Variants in GREB1L observed in about 807,000 individuals in gnomAD.
The protein encoded by GREB1L is GREB1 like retinoic acid receptor coactivator.
A neutral mutation model predicts 200.8 loss-of-function variants in GREB1L; 17 were observed. The observed-to-expected ratio is 0.08, with a 90% CI of 0.06 to 0.13. The LOEUF is 0.13. GREB1L is among the 10% of genes least tolerant of loss of function. GREB1L has a pLI of 1.00. For synonymous variants in GREB1L, 789 were observed against 893.0 expected (o/e 0.88, Z 2.08); for missense variants, 1,657 against 2,367.7 (o/e 0.70, Z 6.23).
intron 1 of GREB1L, among the ~76,000 whole-genome samples, chr18:21,244,604 C>T (rs2037565559): frequency 6.6e-6 from 1 of 152,136 alleles, no homozygotes; most frequent in South Asian, 2.1e-4. Flanking sequence ...CTAAAGATAA[C>T]CATTGGACTG....
intron 3 of GREB1L, among the ~76,000 whole-genome samples, chr18:21,383,933 CT>C (rs1486483648): frequency 6.6e-6 from 1 of 152,058 alleles, no homozygotes; most frequent in African/African-American, 2.4e-5. Context: ...TCAGGCTGGT[CT>C]TGAACTCCTG....
At chr18:21,243,480 G>A (rs1213043348) in intron 1 of GREB1L, among the ~76,000 whole-genome samples, 1 of 152,208 alleles carries the variant, frequency 6.6e-6, no homozygotes, top group East Asian at 1.9e-4. Context: ...ACACCGTAAG[G>A]TGTTTTTTTC....
At chr18:21,370,599 C>A (rs1238846831) in intron 2 of GREB1L, among the ~76,000 whole-genome samples, 1 of 152,040 alleles carries the variant, frequency 6.6e-6, no homozygotes, top group Non-Finnish European at 1.5e-5. Context: ...CATAATCTAT[C>A]CTATAGAATT....
intron 1 of GREB1L, among the ~76,000 whole-genome samples, chr18:21,245,681 T>C (rs1350084827): frequency 2.6e-5 from 4 of 152,054 alleles, no homozygotes; most frequent in Admixed American, 2.6e-4. Context: ...GCATAAAAAA[T>C]GTAATGCCTA....
At chr18:21,428,679 T>G in intron 7 of GREB1L, among the ~76,000 whole-genome samples, 1 of 144,752 alleles carries the variant, frequency 6.9e-6, no homozygotes. Flanking sequence ...CGGCCCGGGC[T>G]GGAGTGCAAT....
At chr18:21,428,519 G>A (rs2032832774) in intron 7 of GREB1L, among the ~76,000 whole-genome samples, 1 of 150,582 alleles carries the variant, frequency 6.6e-6, no homozygotes. Flanking sequence ...ATGATCATGT[G>A]GTTTTTGTCC....
chr18:21,445,154 T>G (rs2034139768), intron 11 of GREB1L, among the ~76,000 whole-genome samples: 1 of 152,218 alleles, frequency 6.6e-6, no homozygotes. Flanking sequence ...ACTCTATCAC[T>G]TCAAGCCACT....
chr18:21,484,321 C>T (rs556073580), intron 17 of GREB1L, among the ~76,000 whole-genome samples: 47 of 151,130 alleles, frequency 3.1e-4, no homozygotes, highest in African/African-American at 1.1e-3. Context: ...TCTGTAGGCA[C>T]CCGCCACCAC....
At chr18:21,349,485 C>G (rs957318054) in intron 1 of GREB1L, among the ~76,000 whole-genome samples, 4 of 152,140 alleles carry the variant, frequency 2.6e-5, no homozygotes, top group Non-Finnish European at 5.9e-5. Context: ...CTACTTTGTC[C>G]TTTAAAGCAA....
chr18:21,260,802 TTG>T (rs982101244), intron 1 of GREB1L, among the ~76,000 whole-genome samples: 6 of 151,972 alleles, frequency 3.9e-5, no homozygotes, highest in African/African-American at 1.2e-4. Context: ...CCAGCTGCCA[TTG>T]TGTGTGTTTC....
At chr18:21,315,164 A>T (rs2038848491) in intron 1 of GREB1L, among the ~76,000 whole-genome samples, 1 of 152,132 alleles carries the variant, frequency 6.6e-6, no homozygotes. Context: ...GTTATGGCTC[A>T]CTTTAACGTC....
At chr18:21,334,355 C>T (rs546834726) in intron 1 of GREB1L, among the ~76,000 whole-genome samples, 1 of 152,130 alleles carries the variant, frequency 6.6e-6, no homozygotes, top group East Asian at 1.9e-4. Context: ...TTATCAGTTC[C>T]ATATCCAGTT....
intron 7 of GREB1L, among the ~76,000 whole-genome samples, chr18:21,420,304 G>A (rs552615959): frequency 4.0e-5 from 6 of 151,790 alleles, no homozygotes; most frequent in Middle Eastern, 6.8e-3. Flanking sequence ...CCTGGGAGGC[G>A]GAGGTTGCAA....
intron 19 of GREB1L, among the ~76,000 whole-genome samples, chr18:21,493,175 C>T (rs572739866): frequency 1.3e-5 from 2 of 152,190 alleles, no homozygotes. Flanking sequence ...TGCCTTCTAT[C>T]TCTACTTTTG....
chr18:21,279,584 C>T (rs1165561556), intron 1 of GREB1L, among the ~76,000 whole-genome samples: 1 of 152,104 alleles, frequency 6.6e-6, no homozygotes, highest in East Asian at 1.9e-4. Context: ...GTAAGAGTAC[C>T]AATTTCACTG....
intron 1 of GREB1L, among the ~76,000 whole-genome samples, chr18:21,310,128 T>C (rs1168226863): frequency 6.6e-6 from 1 of 152,216 alleles, no homozygotes; most frequent in African/African-American, 2.4e-5. Flanking sequence ...ACAGCTGCAC[T>C]CTAGCTAGAG....
intron 1 of GREB1L, among the ~76,000 whole-genome samples, chr18:21,320,841 A>G (rs2038940244): frequency 6.6e-6 from 1 of 152,186 alleles, no homozygotes; most frequent in African/African-American, 2.4e-5. Context: ...AACATTTTGA[A>G]ACACAGTAAA....
intron 7 of GREB1L, among the ~76,000 whole-genome samples, chr18:21,414,900 C>T (rs750642733): frequency 6.6e-6 from 1 of 150,908 alleles, no homozygotes; most frequent in Non-Finnish European, 1.5e-5. Context: ...ATACACTATT[C>T]ATCAGGCAAC....
At chr18:21,385,159 C>A (rs957189600) in intron 4 of GREB1L, among the ~76,000 whole-genome samples, 1 of 152,104 alleles carries the variant, frequency 6.6e-6, no homozygotes, top group African/African-American at 2.4e-5. Flanking sequence ...CCCGATTAGC[C>A]AGAGTATTGT....
Sources: gnomAD v4.1 joint callset for allele counts (sites outside exome capture counted in the v4.1 genomes callset) on GRCh38, gnomAD v4.1.1 for gene constraint, MANE v1.5 for transcripts, NCBI Gene and HGNC (gene_info 2026-07-23, HGNC 2026-07-21) for gene names.